Variants in MARCHF1 observed in about 807,000 individuals in gnomAD.
The protein encoded by MARCHF1 is membrane associated ring-CH-type finger 1.
In MARCHF1, 40 loss-of-function variants were observed where a neutral mutation model predicts 54.2. The ratio of observed to expected loss-of-function variants is 0.74; its 90% confidence interval spans 0.57 to 0.96. The LOEUF is 0.96. Among genes scored for constraint, MARCHF1 ranks in the 40% least tolerant of loss-of-function variants. The pLI is 0.00. For missense variants in MARCHF1, 586 were observed against 656.5 expected (o/e 0.89, Z 1.17); for synonymous variants, 236 against 236.3 (o/e 1.00, Z 0.01).
At chr4:163,661,054 T>C (rs977520091) in intron 5 of MARCHF1, among the ~76,000 whole-genome samples, 1 of 152,042 alleles carries the variant, frequency 6.6e-6, no homozygotes, top group Non-Finnish European at 1.5e-5. Flanking sequence ...AATTGGATGC[T>C]GTTTATTGAC....
intron 2 of MARCHF1, among the ~76,000 whole-genome samples, chr4:164,072,730 A>G (rs1560891046): frequency 6.6e-6 from 1 of 150,714 alleles, no homozygotes; most frequent in Non-Finnish European, 1.5e-5. Context: ...AAAAAACTTC[A>G]TTAGTGTTCT....
At chr4:163,927,198 T>C (rs1751556737) in intron 3 of MARCHF1, among the ~76,000 whole-genome samples, 3 of 151,772 alleles carry the variant, frequency 2.0e-5, no homozygotes, top group Non-Finnish European at 4.4e-5. Context: ...TTGATGTGAT[T>C]AGTGTTCCCT....
At chr4:163,743,542 T>A (rs1028824167) in intron 4 of MARCHF1, among the ~76,000 whole-genome samples, 66 of 151,932 alleles carry the variant, frequency 4.3e-4, no homozygotes, top group Non-Finnish European at 5.9e-5. Context: ...GCAAATTCAA[T>A]TAAATTAACA....
rs1738154715 is a variant in MARCHF1 at position 163,527,466 on chromosome 4, G to A, written c.*1282C>T. On this transcript the variant is annotated 3_prime_UTR_variant, in exon 10 of 10. Coordinates refer to ENST00000514618, the MANE Select transcript of MARCHF1 (RefSeq NM_001394959.1). ...AAATAGGTAATTTTATTCCCCTATT[G>A]TAAGTACTTCATAGTAACAATTTAT... 1.3e-5 allele frequency: 2 copies of A among 151,916 alleles called. No homozygotes were observed. 9.4% of individuals were successfully genotyped at this position (151,916 alleles called of 1,614,324 possible).
At chr4:163,667,750 C>T (rs938729540) in intron 5 of MARCHF1, among the ~76,000 whole-genome samples, 17 of 151,906 alleles carry the variant, frequency 1.1e-4, no homozygotes, top group Non-Finnish European at 2.1e-4. Context: ...CTCAGCCTCC[C>T]GAGTAACTGG....
chr4:164,369,464 T>C (rs1391591515), intron 1 of MARCHF1, among the ~76,000 whole-genome samples: 2 of 152,198 alleles, frequency 1.3e-5, no homozygotes. Flanking sequence ...TTGGTTCATA[T>C]TTCTGTGGTT....
At chr4:164,273,430 A>T (rs781309219) in intron 1 of MARCHF1, among the ~76,000 whole-genome samples, 2 of 152,152 alleles carry the variant, frequency 1.3e-5, no homozygotes, top group African/African-American at 2.4e-5. Context: ...GGGGATTACA[A>T]TTCAAGATGA....
At chr4:163,579,446 T>C (rs890666301) in intron 8 of MARCHF1, among the ~76,000 whole-genome samples, 3 of 152,202 alleles carry the variant, frequency 2.0e-5, no homozygotes, top group Non-Finnish European at 4.4e-5. Context: ...TCTTTTCCCA[T>C]AGCAAACACC....
At chr4:163,706,359 A>C (rs1361671261) in intron 4 of MARCHF1, among the ~76,000 whole-genome samples, 3 of 152,072 alleles carry the variant, frequency 2.0e-5, no homozygotes, top group Non-Finnish European at 4.4e-5. Flanking sequence ...ACATACTCTA[A>C]ACTCTCATCA....
intron 1 of MARCHF1, among the ~76,000 whole-genome samples, chr4:164,221,619 T>C (rs1039458550): frequency 6.6e-6 from 1 of 152,044 alleles, no homozygotes; most frequent in African/African-American, 2.4e-5. Flanking sequence ...ACATAGACAT[T>C]TGGAGCTAGA....
intron 1 of MARCHF1, among the ~76,000 whole-genome samples, chr4:164,374,169 ATAAT>A (rs1731117791): frequency 6.6e-6 from 1 of 152,196 alleles, no homozygotes; most frequent in Non-Finnish European, 1.5e-5. Context: ...TCCTCTACAT[ATAAT>A]TTATTACAAT....
intron 2 of MARCHF1, among the ~76,000 whole-genome samples, chr4:164,048,283 A>T (rs953263069): frequency 6.6e-6 from 1 of 152,182 alleles, no homozygotes; most frequent in African/African-American, 2.4e-5. Flanking sequence ...AACAAAGTGT[A>T]GCTCACTACA....
intron 5 of MARCHF1, among the ~76,000 whole-genome samples, chr4:163,696,224 T>C (rs1467024873): frequency 6.6e-6 from 1 of 152,168 alleles, no homozygotes; most frequent in African/African-American, 2.4e-5. Flanking sequence ...GAATAATATA[T>C]GGTACAAAGA....
intron 4 of MARCHF1, among the ~76,000 whole-genome samples, chr4:163,792,036 A>G (rs1313855132): frequency 6.6e-6 from 1 of 152,194 alleles, no homozygotes; most frequent in African/African-American, 2.4e-5. Context: ...TGAAGCCATA[A>G]TGTCACCATT....
chr4:164,218,089 T>A (rs1466205347), intron 1 of MARCHF1, among the ~76,000 whole-genome samples: 2 of 151,382 alleles, frequency 1.3e-5, no homozygotes, highest in African/African-American at 4.9e-5. Flanking sequence ...TTAGACAACG[T>A]GCTAAATTTC....
chr4:164,182,509 C>CTCCT (rs555114016), intron 1 of MARCHF1, among the ~76,000 whole-genome samples: 2 of 151,672 alleles, frequency 1.3e-5, no homozygotes, highest in African/African-American at 4.8e-5. Context: ...TATCATCTCT[C>CTCCT]TCCTTCCTTC....
chr4:164,157,316 T>G (rs1430573601), intron 1 of MARCHF1, among the ~76,000 whole-genome samples: 1 of 152,132 alleles, frequency 6.6e-6, no homozygotes, highest in Non-Finnish European at 1.5e-5. Context: ...ATTAACATCT[T>G]TACAAGACAA....
chr4:164,245,762 C>T (rs929045626), intron 1 of MARCHF1, among the ~76,000 whole-genome samples: 5 of 141,524 alleles, frequency 3.5e-5, no homozygotes, highest in African/African-American at 5.2e-5. Flanking sequence ...TCTCAGGATA[C>T]AAAATCAATG....
intron 4 of MARCHF1, among the ~76,000 whole-genome samples, chr4:163,788,173 G>A (rs1265763621): frequency 6.6e-6 from 1 of 151,556 alleles, no homozygotes; most frequent in African/African-American, 2.4e-5. Context: ...TAATATTACT[G>A]AGCTGTACAT....
Sources: allele counts gnomAD v4.1 joint callset (sites outside exome capture counted in the v4.1 genomes callset), GRCh38; gene constraint gnomAD v4.1.1; transcripts MANE v1.5; gene names NCBI Gene and HGNC (gene_info 2026-07-23, HGNC 2026-07-21).